AP1B1: variants seen among roughly 807,000 people sequenced by gnomAD.
AP1B1 encodes the protein adaptor related protein complex 1 subunit beta 1, also known as AP-1 complex subunit beta-1.
In AP1B1, 36 loss-of-function variants were observed where a neutral mutation model predicts 104.3. The observed-to-expected ratio is 0.35, with a 90% confidence interval of 0.26 to 0.46. The LOEUF (loss-of-function observed/expected upper bound fraction) is 0.46. AP1B1 is among the 20% of genes least tolerant of loss of function. AP1B1 has a pLI of 1.00. For synonymous variants in AP1B1, 504 were observed against 517.5 expected (o/e 0.97, Z 0.35); for missense variants, 901 against 1,247.9 (o/e 0.72, Z 4.19).
intron 3 of AP1B1, among the ~76,000 whole-genome samples, chr22:29,362,638 C>T (rs1204121410): frequency 3.3e-5 from 5 of 152,156 alleles, no homozygotes; most frequent in African/African-American, 1.2e-4. Flanking sequence ...AGCCACCGCG[C>T]CTGGCCCAGA....
intron 1 of AP1B1, among the ~76,000 whole-genome samples, chr22:29,384,194 G>C (rs758516829): frequency 1.3e-5 from 2 of 152,018 alleles, no homozygotes; most frequent in Admixed American, 1.3e-4. Flanking sequence ...AGCAGTGCCC[G>C]GCCCACAAAA....
At position 29,349,386 on chromosome 22, in the gene AP1B1, G is replaced by A; in HGVS notation, c.1272-3C>T. The A allele has an allele frequency of 6.2e-7, 1 of 1,613,308 alleles. No individual in the cohort carries two copies. The highest frequency in any genetic ancestry group is 8.5e-7 in the Non-Finnish European group (1 of 1,179,872). On this transcript the variant is annotated splice_region_variant and splice_polypyrimidine_tract_variant and intron_variant, in intron 10 of 22. Transcript: ENST00000357586. ...GTGTGGCAATCACACTCTCATACCT[G>A]GGAGACCAGGGCACAGTTGGTATGG... is the stretch of plus-strand genomic sequence containing the variant.
chr22:29,374,628 T>C (rs1396750544), intron 1 of AP1B1, among the ~76,000 whole-genome samples: 4 of 152,206 alleles, frequency 2.6e-5, no homozygotes, highest in Non-Finnish European at 5.9e-5. Flanking sequence ...TAACACCCCA[T>C]GTTGGAGCTG....
At chr22:29,345,528 C>T (rs1054165145) in intron 11 of AP1B1, among the ~76,000 whole-genome samples, 8 of 138,096 alleles carry the variant, frequency 5.8e-5, no homozygotes, top group African/African-American at 2.0e-4. Context: ...TGTGCCACCA[C>T]ACCCAGCTAA....
At chr22:29,338,766 C>T (rs540216507) in intron 16 of AP1B1, among the ~76,000 whole-genome samples, 10 of 152,288 alleles carry the variant, frequency 6.6e-5, no homozygotes, top group East Asian at 3.9e-4. Context: ...AGCCCCTATC[C>T]GCTTTTGTTC....
intron 1 of AP1B1, among the ~76,000 whole-genome samples, chr22:29,371,573 T>TA (rs147967200): frequency 4.0e-5 from 6 of 151,508 alleles, no homozygotes; most frequent in Admixed American, 6.6e-5. Context: ...CTATGAAAAA[T>TA]AAAAAAAATT....
intron 17 of AP1B1, 130 bp downstream of exon 17, chr22:29,334,135 C>T (rs551613832): frequency 9.5e-7 from 1 of 1,055,168 alleles, no homozygotes; most frequent in African/African-American, 1.6e-5. Flanking sequence ...TGGGGAACAT[C>T]CTTCAGAAAA....
At chr22:29,351,087 G>A in intron 9 of AP1B1, 84 bp downstream of exon 9, 5 of 1,335,304 alleles carry the variant, frequency 3.7e-6, no homozygotes, top group South Asian at 1.3e-5. Context: ...AAGCAAGCTG[G>A]CAGATTCTGC....
chr22:29,370,915 T>G (rs958287291), intron 1 of AP1B1, among the ~76,000 whole-genome samples: 21 of 152,170 alleles, frequency 1.4e-4, no homozygotes, highest in Admixed American at 1.2e-3. Context: ...CCGCAGTATC[T>G]GTTTCACATA....
chr22:29,356,880 G>A (rs1393321931), intron 5 of AP1B1, among the ~76,000 whole-genome samples: 1 of 152,156 alleles, frequency 6.6e-6, no homozygotes, highest in Non-Finnish European at 1.5e-5. Flanking sequence ...AGCATTCTCA[G>A]CTTCCTAACA....
chr22:29,362,877 G>C (rs1252842037), intron 3 of AP1B1, 124 bp downstream of exon 3: 1 of 666,086 alleles, frequency 1.5e-6, no homozygotes, highest in Non-Finnish European at 2.8e-6. Context: ...GTTTTATGAA[G>C]GGAGCTGTAT....
At position 29,356,520 on chromosome 22, in the gene AP1B1, G is replaced by C; in HGVS notation, c.622C>G (p.Leu208Val). The C allele has an allele frequency of 6.2e-7, 1 of 1,614,222 alleles. No homozygotes were observed. Among genetic ancestry groups the C allele is most frequent in the Non-Finnish European group, 8.5e-7 (1 of 1,180,038 alleles). Residue 208 changes from leucine to valine, a missense_variant, in exon 6 of 23, where the codon CTG (leucine) becomes GTG (valine). Coordinates refer to ENST00000357586, the MANE Select transcript of AP1B1 (RefSeq NM_001127.4). ...DLNPQSINKL[L>V]TALNECTEWG... ...TCGGTGCACTCATTGAGGGCTGTCAGCAGCTTGTTGATGGACTGTGGGTTC... is the reference window on the plus strand; with the variant it reads ...TCGGTGCACTCATTGAGGGCTGTCACCAGCTTGTTGATGGACTGTGGGTTC...
chr22:29,352,502 C>T (rs1772836032), intron 7 of AP1B1, among the ~76,000 whole-genome samples: 1 of 152,154 alleles, frequency 6.6e-6, no homozygotes, highest in Non-Finnish European at 1.5e-5. Context: ...CTGTATGACT[C>T]CCCATGGGAA....
intron 1 of AP1B1, among the ~76,000 whole-genome samples, chr22:29,379,034 C>A (rs174772): frequency 0.84 from 127,005 of 152,064 alleles, 53,292 homozygotes; most frequent in East Asian, 0.97. Context: ...ATCTATAAGC[C>A]GTAATGTGCG....
At chr22:29,385,527 T>C (rs2062508150) in intron 1 of AP1B1, among the ~76,000 whole-genome samples, 1 of 152,170 alleles carries the variant, frequency 6.6e-6, no homozygotes, top group African/African-American at 2.4e-5. Context: ...TTGAATGCCA[T>C]GCTAAGGAAT....
At chr22:29,373,581 C>T (rs1410755208) in intron 1 of AP1B1, among the ~76,000 whole-genome samples, 1 of 151,992 alleles carries the variant, frequency 6.6e-6, no homozygotes, top group East Asian at 1.9e-4. Context: ...CACTTAAGAG[C>T]CAAGCATGTC....
At chr22:29,366,487 T>C (rs1036241700) in intron 2 of AP1B1, among the ~76,000 whole-genome samples, 5 of 151,906 alleles carry the variant, frequency 3.3e-5, no homozygotes, top group East Asian at 1.9e-4. Context: ...AAATACAAAA[T>C]TAGCCGGGCA....
Position 29,358,973 on chromosome 22 carries a change from TG to T in AP1B1, c.280-3del, listed in dbSNP as rs781377506. 3.7e-6 allele frequency: 6 copies of T among 1,603,180 alleles called. No homozygotes were observed. The highest frequency in any genetic ancestry group is 2.2e-5 in the East Asian group (1 of 44,556). On this transcript the variant is annotated splice_polypyrimidine_tract_variant and splice_region_variant and intron_variant, in intron 4 of 22. Transcript: ENST00000357586. ...GAGGGGGTTGGGGTCCTCACAGTCCTGGGGGGAACCAGCCATCGGCCAGGGC... is the reference window on the plus strand; with the variant it reads ...GAGGGGGTTGGGGTCCTCACAGTCCTGGGGGAACCAGCCATCGGCCAGGGC...
At chr22:29,332,562 G>A (rs2061577432) in intron 17 of AP1B1, among the ~76,000 whole-genome samples, 1 of 152,168 alleles carries the variant, frequency 6.6e-6, no homozygotes, top group Non-Finnish European at 1.5e-5. Context: ...CCGAGGGCTC[G>A]GTATACCTGG....
Sources: allele counts gnomAD v4.1 joint callset (sites outside exome capture counted in the v4.1 genomes callset), GRCh38; gene constraint gnomAD v4.1.1; transcripts MANE v1.5; gene names NCBI Gene and HGNC (gene_info 2026-07-23, HGNC 2026-07-21).